IGHMBP2: variants seen among roughly 807,000 people sequenced by gnomAD.
IGHMBP2 encodes immunoglobulin mu DNA binding protein 2.
A neutral mutation model predicts 96.0 loss-of-function variants in IGHMBP2; 81 were observed. The ratio of observed to expected loss-of-function variants is 0.84; its 90% CI spans 0.71 to 1.01. The LOEUF (loss-of-function observed/expected upper bound fraction) is 1.01, where lower values mean the gene tolerates loss of function less well. IGHMBP2 is among the 50% of genes least tolerant of loss of function. IGHMBP2 has a pLI of 0.00. For synonymous variants in IGHMBP2, 557 were observed against 548.9 expected, an observed-to-expected ratio of 1.01 and a Z score of -0.21; for missense variants, 1,227 against 1,306.3, an observed-to-expected ratio of 0.94 and a Z score of 0.94.
rs117145210 is a variant in IGHMBP2 at position 68,910,310 on chromosome 11, T to C, written c.548-1130T>C. On this transcript the variant is annotated intron_variant, in intron 4 of 14. Transcript: ENST00000255078. ...TGAAATATTTACTGAAGGGCTCCTATGCGTCACAAACTGAATTAGAAATGT... is the reference window on the plus strand; with the variant it reads ...TGAAATATTTACTGAAGGGCTCCTACGCGTCACAAACTGAATTAGAAATGT... Among the ~76,000 whole-genome samples the C allele has an allele frequency of 5.5e-3, 835 of 152,352 alleles. 6 individuals carry two copies. The highest frequency in any genetic ancestry group is 9.0e-3 in the Admixed American group (137 of 15,304).
intron 5 of IGHMBP2, among the ~76,000 whole-genome samples, chr11:68,911,897 A>G: frequency 6.6e-6 from 1 of 152,170 alleles, no homozygotes; most frequent in East Asian, 1.9e-4. Flanking sequence ...TTTGTTCACC[A>G]CGCTTGCTGT....
At chr11:68,906,306 T>C in intron 2 of IGHMBP2, 68 bp downstream of exon 2, 1 of 1,512,064 alleles carries the variant, frequency 6.6e-7, no homozygotes, top group Non-Finnish European at 9.2e-7. Context: ...TGTACCCTCG[T>C]AAAGACTGGA....
intron 7 of IGHMBP2, among the ~76,000 whole-genome samples, chr11:68,924,327 T>C: frequency 6.6e-6 from 1 of 152,348 alleles, no homozygotes; most frequent in South Asian, 2.1e-4. Flanking sequence ...AGGAATGTGT[T>C]TGTGAGACCT....
At chr11:68,913,131 C>A (rs1027233933) in intron 5 of IGHMBP2, among the ~76,000 whole-genome samples, 2 of 150,976 alleles carry the variant, frequency 1.3e-5, no homozygotes, top group Non-Finnish European at 2.9e-5. Flanking sequence ...AGTGGCAGAG[C>A]CAGCAATGGA....
At chr11:68,921,469 C>G (rs1858874412) in intron 7 of IGHMBP2, among the ~76,000 whole-genome samples, 1 of 152,172 alleles carries the variant, frequency 6.6e-6, no homozygotes, top group South Asian at 2.1e-4. Flanking sequence ...TTAGGCCTTA[C>G]AGTATGTGTC....
chr11:68,911,415 C>T (rs2154006932), intron 4 of IGHMBP2, 25 bp from the exon 5 acceptor site: 2 of 1,611,634 alleles, frequency 1.2e-6, no homozygotes, highest in East Asian at 2.2e-5. Context: ...AGCACCTGAG[C>T]CTCACGCTGC....
chr11:68,933,417 G>A lies in IGHMBP2; in HGVS notation c.1354G>A (p.Ala452Thr). The change falls in exon 9 of 15, where the codon GCC (alanine) becomes ACC (threonine). Residue 452 changes from alanine (A) to threonine (T), a missense_variant. This residue lies in a region of IGHMBP2 where 703 missense variants were observed against 770.3 expected (regional missense o/e 0.91). Coordinates refer to ENST00000255078, the MANE Select transcript of IGHMBP2 (RefSeq NM_002180.3). Reference protein sequence around the residue: ...YRMHQAIMRWASDTMYLGQLT... With the variant: ...YRMHQAIMRWTSDTMYLGQLT... ...CATGCACCAGGCTATCATGCGCTGG[G>A]CCTCAGACACCATGTACCTTGGGCA... is the stretch of plus-strand genomic sequence containing the variant. 1 of 1,613,324 alleles carries A rather than the reference G, an allele frequency of 6.2e-7. No individual in the cohort carries two copies. The highest frequency in any genetic ancestry group is 8.5e-7 in the Non-Finnish European group (1 of 1,179,930).
intron 8 of IGHMBP2, 33 bp downstream of exon 8, chr11:68,929,390 GC>G: frequency 1.9e-6 from 3 of 1,591,990 alleles, no homozygotes; most frequent in Non-Finnish European, 1.7e-6. Flanking sequence ...GCCCTTCTCT[GC>G]CCCCGCCCTC....
chr11:68,934,243 C>A, intron 10 of IGHMBP2: 1 of 646,128 alleles, frequency 1.5e-6, no homozygotes, highest in Non-Finnish European at 2.8e-6. Context: ...GGATGCACGG[C>A]CATAGGAGTC....
intron 11 of IGHMBP2, 129 bp from the exon 12 acceptor site, chr11:68,935,170 G>T: frequency 3.3e-6 from 4 of 1,229,020 alleles, no homozygotes; most frequent in Admixed American, 2.0e-5. Flanking sequence ...TCCCCATGGG[G>T]CTCCTGCAGG....
Position 68,933,799 on chromosome 11 carries a change from C to T in IGHMBP2, c.1423C>T (p.Leu475Phe), listed in dbSNP as rs776158939. The change falls in exon 10 of 15, where the codon CTC becomes TTC. Residue 475 changes from leucine (L) to phenylalanine (F), a missense_variant. Transcript: ENST00000255078. The part of the protein sequence containing the change: ...SSVARHLLRD[L>F]PGVAATEETG... ...CCCTCTCTGCCTGTGTGCCAGGGAC[C>T]TCCCAGGTGTGGCTGCCACAGAAGA... 4.3e-5 allele frequency: 69 copies of T among 1,611,988 alleles called. No individual in the cohort carries two copies. The highest frequency in any genetic ancestry group is 5.8e-5 in the Non-Finnish European group (68 of 1,178,966).
At position 68,908,301 on chromosome 11, in the gene IGHMBP2, A is replaced by C; in HGVS notation, c.413A>C (p.Lys138Thr). ...LDRENSYRLL[K>T]LANDVTYRRL... ...CGAGAGAATTCCTACAGACTGTTAAAACTTGCCAATGATGTCACTTACAGG... is the reference window on the plus strand; with the variant it reads ...CGAGAGAATTCCTACAGACTGTTAACACTTGCCAATGATGTCACTTACAGG... The change falls in exon 3 of 15, where the codon AAA becomes ACA. Residue 138 changes from lysine (K) to threonine (T), a missense_variant. This residue lies in a region of IGHMBP2 where 507 missense variants were observed against 496.9 expected (regional missense o/e 1.02). Transcript: ENST00000255078. 1 of 1,614,158 alleles carries C rather than the reference A, an allele frequency of 6.2e-7. No individual in the cohort carries two copies. Among genetic ancestry groups the C allele is most frequent in the South Asian group, 1.1e-5 (1 of 91,080 alleles).
chr11:68,921,838 T>C (rs1280037612), intron 7 of IGHMBP2, among the ~76,000 whole-genome samples: 1 of 152,214 alleles, frequency 6.6e-6, no homozygotes, highest in Non-Finnish European at 1.5e-5. Context: ...GTAGCTTTTG[T>C]ATGTCTGAAA....
intron 8 of IGHMBP2, chr11:68,929,746 A>T: frequency 2.0e-6 from 2 of 985,416 alleles, no homozygotes; most frequent in Non-Finnish European, 2.4e-6. Flanking sequence ...TTCAATCTGT[A>T]GACACATCCC....
intron 6 of IGHMBP2, among the ~76,000 whole-genome samples, chr11:68,916,727 G>T (rs983315307): frequency 2.0e-5 from 3 of 152,114 alleles, no homozygotes; most frequent in African/African-American, 7.2e-5. Flanking sequence ...TGCTTGCATG[G>T]CAGCGTGGGG....
In IGHMBP2 at chr11:68,936,311, A is replaced by G. The variant is rs764921681; in HGVS notation, c.1831A>G (p.Ile611Val). 6 of 1,614,106 alleles carry G rather than the reference A, an allele frequency of 3.7e-6. No individual in the cohort carries two copies. In the African/African-American group the frequency reaches 8.0e-5, roughly 22 times the overall value. Residue 611 changes from isoleucine (I) to valine (V), a missense_variant, in exon 13 of 15, where the codon ATC becomes GTC. Around this residue, in one of 3 missense-constraint regions of IGHMBP2, gnomAD observed 703 missense variants for 770.3 expected, o/e 0.91. Transcript: ENST00000255078. ...VTRARRHVAV[I>V]CDSRTVNNHA... ...CCGTGCCCGACGCCACGTGGCGGTCATCTGTGACTCCCGTACTGTCAACAA... is the reference window on the plus strand; with the variant it reads ...CCGTGCCCGACGCCACGTGGCGGTCGTCTGTGACTCCCGTACTGTCAACAA...
intron 5 of IGHMBP2, 145 bp downstream of exon 5, chr11:68,911,748 G>A (rs1858444837): frequency 2.5e-6 from 2 of 814,250 alleles, no homozygotes; most frequent in Non-Finnish European, 2.1e-6. Flanking sequence ...GCCTTGGACT[G>A]CCCCTGTTTG....
intron 7 of IGHMBP2, among the ~76,000 whole-genome samples, chr11:68,925,380 C>T (rs1464442038): frequency 6.6e-6 from 1 of 152,030 alleles, no homozygotes; most frequent in African/African-American, 2.4e-5. Context: ...AACTTCTGAC[C>T]TCAAATGATG....
chr11:68,909,336 C>T (rs1419155692), intron 4 of IGHMBP2, among the ~76,000 whole-genome samples: 12 of 151,576 alleles, frequency 7.9e-5, no homozygotes, highest in South Asian at 2.1e-4. Flanking sequence ...CACGCCACCA[C>T]GCCTGGCTAA....
Sources: gnomAD v4.1 joint callset for allele counts (sites outside exome capture counted in the v4.1 genomes callset) on GRCh38, gnomAD v4.1.1 for gene constraint, gnomAD v4.1.1 regional missense constraint, MANE v1.5 for transcripts, NCBI Gene and HGNC (gene_info 2026-07-23, HGNC 2026-07-21) for gene names.